BTBD9: variants seen among roughly 807,000 people sequenced by gnomAD.
BTBD9 encodes BTB domain containing 9.
In BTBD9, 49 loss-of-function variants were observed where a neutral mutation model predicts 64.3. The observed-to-expected ratio is 0.76, with a 90% CI of 0.61 to 0.97. The LOEUF is 0.97. BTBD9 is among the 50% of genes least tolerant of loss of function. The pLI is 0.00. For synonymous variants in BTBD9, 260 were observed against 274.7 expected (o/e 0.95, Z 0.53); for missense variants, 598 against 762.1 (o/e 0.78, Z 2.53).
intron 6 of BTBD9, among the ~76,000 whole-genome samples, chr6:38,362,414 A>G (rs553837434): frequency 1.3e-5 from 2 of 152,362 alleles, no homozygotes; most frequent in South Asian, 4.1e-4. Flanking sequence ...ATGCACTAAA[A>G]TGTTTACTAA....
intron 7 of BTBD9, among the ~76,000 whole-genome samples, chr6:38,311,184 A>G (rs986319639): frequency 2.7e-5 from 4 of 150,700 alleles, no homozygotes; most frequent in African/African-American, 9.8e-5. Context: ...GAAACGCTAG[A>G]TCTTATTCAT....
At chr6:38,435,642 C>T (rs1768690943) in intron 6 of BTBD9, among the ~76,000 whole-genome samples, 2 of 111,134 alleles carry the variant, frequency 1.8e-5, no homozygotes, top group Admixed American at 1.9e-4. Flanking sequence ...TCCTCCCTCC[C>T]TCCTTCCTTC....
chr6:38,540,649 G>A (rs9369067), intron 6 of BTBD9, among the ~76,000 whole-genome samples: 1 of 152,142 alleles, frequency 6.6e-6, no homozygotes, highest in African/African-American at 2.4e-5. Context: ...AACAAAGGCA[G>A]TATGTCTTAT....
At position 38,436,905 on chromosome 6, in the gene BTBD9, C is replaced by T. The variant is rs551679705; in HGVS notation, c.1155-91812G>A. 7.9e-5 allele frequency among the ~76,000 whole-genome samples: 12 copies of T among 152,280 alleles called. No homozygotes were observed. The South Asian group carries it at 1.2e-3, about 16-fold the overall frequency. On this transcript the variant is annotated intron_variant, in intron 6 of 10. Transcript: ENST00000481247. The stretch of plus-strand genomic sequence containing the variant: ...AGTGCTATAAATTACAAGTCTACAA[C>T]GATGATGATAGTTGTAGTCATAGGA...
chr6:38,198,370 C>T (rs962838467), intron 9 of BTBD9, among the ~76,000 whole-genome samples: 1 of 151,954 alleles, frequency 6.6e-6, no homozygotes, highest in Admixed American at 6.6e-5. Context: ...GGAGAGCCAC[C>T]GGATGGGAGG....
At chr6:38,295,137 T>G (rs187882894) in intron 7 of BTBD9, among the ~76,000 whole-genome samples, 1 of 152,286 alleles carries the variant, frequency 6.6e-6, no homozygotes, top group African/African-American at 2.4e-5. Flanking sequence ...CTTTATGACT[T>G]ATGCTTTTCC....
At chr6:38,570,880 C>T (rs1262265923) in intron 6 of BTBD9, among the ~76,000 whole-genome samples, 3 of 152,112 alleles carry the variant, frequency 2.0e-5, no homozygotes. Context: ...ACTTTCAGAA[C>T]AATTTATATT....
intron 8 of BTBD9, among the ~76,000 whole-genome samples, chr6:38,265,308 C>A (rs1764933234): frequency 6.6e-6 from 1 of 151,860 alleles, no homozygotes; most frequent in Non-Finnish European, 1.5e-5. Flanking sequence ...CTCATGAAAT[C>A]TTATATTTGA....
At chr6:38,265,003 G>A (rs986764536) in intron 8 of BTBD9, among the ~76,000 whole-genome samples, 2 of 152,102 alleles carry the variant, frequency 1.3e-5, no homozygotes, top group Admixed American at 6.6e-5. Flanking sequence ...TTAGTCAAAG[G>A]ACATCAGAGA....
At chr6:38,213,151 C>G (rs144197784) in intron 9 of BTBD9, among the ~76,000 whole-genome samples, 1 of 152,064 alleles carries the variant, frequency 6.6e-6, no homozygotes, top group Non-Finnish European at 1.5e-5. Flanking sequence ...GATCACCAGA[C>G]GGTCTCAGAA....
At chr6:38,409,226 G>T (rs906742280) in intron 6 of BTBD9, among the ~76,000 whole-genome samples, 4 of 152,076 alleles carry the variant, frequency 2.6e-5, no homozygotes, top group African/African-American at 9.7e-5. Flanking sequence ...CTCCAGCCTG[G>T]GTGACAGAGA....
rs970734065 is a variant in BTBD9, at chr6:38,169,245, C to G, written c.*5740G>C. 6.6e-6 allele frequency: 1 copy of G among 152,346 alleles called. No individual in the cohort carries two copies. The highest frequency in any genetic ancestry group is 1.9e-4 in the East Asian group (1 of 5,184). 9.4% of individuals were successfully genotyped at this position (152,346 alleles called of 1,614,324 possible). On this transcript the variant is annotated 3_prime_UTR_variant, in exon 11 of 11. Transcript: ENST00000481247. The stretch of plus-strand genomic sequence containing the variant: ...TAGTGGCTAGGACTAGGGCACTGGC[C>G]GCACCCTCAGGCCCAGGTGGGAAGT...
rs932992273 is a variant in BTBD9, at chr6:38,430,255, T to C, written c.1155-85162A>G. Among the ~76,000 whole-genome samples the C allele has an allele frequency of 1.3e-5, 2 of 151,974 alleles. 1 individual carries two copies. Among genetic ancestry groups the C allele is most frequent in the African/African-American group, 4.9e-5 (2 of 41,214 alleles). On this transcript the variant is annotated intron_variant, in intron 6 of 10. Coordinates refer to ENST00000481247, the MANE Select transcript of BTBD9 (RefSeq NM_001099272.2). ...TTTTTTTAGAAATAGGTTCTCCCTC[T>C]GTTGCCCAGGCTGGAGTGCAGTGGC...
At chr6:38,191,818 G>A (rs1035085366) in intron 10 of BTBD9, among the ~76,000 whole-genome samples, 10 of 152,168 alleles carry the variant, frequency 6.6e-5, no homozygotes, top group African/African-American at 1.4e-4. Context: ...TGTGTGTTCC[G>A]CTGTGCCGTG....
chr6:38,554,636 G>T (rs1774940559), intron 6 of BTBD9, among the ~76,000 whole-genome samples: 1 of 152,140 alleles, frequency 6.6e-6, no homozygotes, highest in South Asian at 2.1e-4. Context: ...ACTGTGCATT[G>T]TAATTTCAAG....
intron 4 of BTBD9, chr6:38,588,320 A>G: frequency 1.0e-6 from 1 of 998,654 alleles, no homozygotes; most frequent in Non-Finnish European, 1.6e-6. Flanking sequence ...GCACAAATTT[A>G]TACTACCCAA....
intron 6 of BTBD9, among the ~76,000 whole-genome samples, chr6:38,423,268 C>CA (rs1767989139): frequency 1.3e-5 from 2 of 151,816 alleles, no homozygotes; most frequent in African/African-American, 2.4e-5. Flanking sequence ...CTGTCCCCCC[C>CA]AAAAAATACA....
chr6:38,224,899 A>G (rs12528726), intron 9 of BTBD9, among the ~76,000 whole-genome samples: 1 of 152,240 alleles, frequency 6.6e-6, no homozygotes, highest in African/African-American at 2.4e-5. Flanking sequence ...TTTCAAGGTA[A>G]TAAGTATGAT....
chr6:38,375,938 AGAAG>A (rs777210578), intron 6 of BTBD9, among the ~76,000 whole-genome samples: 6,352 of 104,620 alleles, frequency 0.061, 192 homozygotes, highest in East Asian at 0.18. Context: ...AAAGAAAGAA[AGAAG>A]GAAAGAAGGA....
Sources: allele counts gnomAD v4.1 joint callset (sites outside exome capture counted in the v4.1 genomes callset), GRCh38; gene constraint gnomAD v4.1.1; transcripts MANE v1.5; gene names NCBI Gene and HGNC (gene_info 2026-07-23, HGNC 2026-07-21).